Variants in ELMOD3 observed in about 807,000 individuals in gnomAD.
ELMOD3 encodes the protein ELMO domain containing 3, also known as ELMO domain-containing protein 3.
ELMOD3 carries 36 observed loss-of-function variants against 47.4 expected under a neutral mutation model. That is an observed-to-expected ratio of 0.76 (90% CI 0.58 to 1.00). ELMOD3 has a LOEUF of 1.00. Ranked by LOEUF, ELMOD3 falls within the 50% of genes least tolerant of loss-of-function variation. The pLI is 0.00. For synonymous variants in ELMOD3, 149 were observed against 183.5 expected (o/e 0.81, Z 1.52); for missense variants, 404 against 463.8 (o/e 0.87, Z 1.18).
intron 11 of ELMOD3, among the ~76,000 whole-genome samples, chr2:85,380,354 CA>C (rs1246573853): frequency 1.3e-5 from 2 of 152,036 alleles, no homozygotes; most frequent in African/African-American, 2.4e-5. Flanking sequence ...AGCAAAAGGT[CA>C]AAAAAATTAG....
intron 3 of ELMOD3, chr2:85,356,089 C>G (rs889814547): frequency 3.9e-5 from 6 of 152,208 alleles, no homozygotes; most frequent in African/African-American, 1.4e-4. Flanking sequence ...ACAGACATTC[C>G]GGATGTCCAA....
chr2:85,385,611 TG>T (rs1334741654), intron 11 of ELMOD3, among the ~76,000 whole-genome samples: 2 of 152,168 alleles, frequency 1.3e-5, no homozygotes, highest in Non-Finnish European at 2.9e-5. Flanking sequence ...CGTACAGGTT[TG>T]GGCCCAGAGG....
At position 85,357,198 on chromosome 2, in the gene ELMOD3, C is replaced by T; in HGVS notation, c.-1C>T. ...CTCACATGAACAAATGATTTTGAGT[C>T]ATGAATGAAAAATCTTGCTCTTTCC... On this transcript the variant is annotated 5_prime_UTR_variant, in exon 4 of 14. Coordinates refer to ENST00000409013, the MANE Select transcript of ELMOD3 (RefSeq NM_001135022.2). 1 of 1,605,156 alleles carries T rather than the reference C, an allele frequency of 6.2e-7. No homozygotes were observed. The highest frequency in any genetic ancestry group is 1.1e-5 in the South Asian group (1 of 89,902).
chr2:85,360,268 A>G (rs78024130), intron 4 of ELMOD3, among the ~76,000 whole-genome samples: 1 of 146,554 alleles, frequency 6.8e-6, no homozygotes. Context: ...CTCCATCTCA[A>G]AAAAAAAAAA....
At chr2:85,366,939 T>C (rs1684427192) in intron 6 of ELMOD3, among the ~76,000 whole-genome samples, 1 of 152,200 alleles carries the variant, frequency 6.6e-6, no homozygotes, top group Non-Finnish European at 1.5e-5. Context: ...GTTGATGTCC[T>C]CTGTAGCAAA....
intron 10 of ELMOD3, among the ~76,000 whole-genome samples, chr2:85,373,875 ATTGTATTT>A (rs1684977232): frequency 7.0e-6 from 1 of 143,860 alleles, no homozygotes. Flanking sequence ...AGGAAAATCT[ATTGTATTT>A]ACTCTTTCCA....
At chr2:85,374,965 G>T (rs1432748290) in intron 10 of ELMOD3, among the ~76,000 whole-genome samples, 1 of 152,052 alleles carries the variant, frequency 6.6e-6, no homozygotes. Flanking sequence ...ACAAAAATTA[G>T]CCAGGCATGG....
At chr2:85,377,091 A>G (rs1032996286) in intron 10 of ELMOD3, among the ~76,000 whole-genome samples, 1 of 152,242 alleles carries the variant, frequency 6.6e-6, no homozygotes, top group African/African-American at 2.4e-5. Flanking sequence ...GTGTAGAAGT[A>G]ACTATCAAGG....
Position 85,354,797 on chromosome 2 carries a change from C to T in ELMOD3, c.-404C>T, listed in dbSNP as rs1284820019. 1.3e-5 allele frequency: 4 copies of T among 310,422 alleles called. No homozygotes were observed. The highest frequency in any genetic ancestry group is 6.5e-5 in the African/African-American group (3 of 45,904). The allele number at this position is 310,422 out of a possible 1,614,324, so 19.2% of individuals were successfully genotyped here. On this transcript the variant is annotated 5_prime_UTR_variant, in exon 1 of 14. Coordinates refer to ENST00000409013, the MANE Select transcript of ELMOD3 (RefSeq NM_001135022.2). ...AGCAGATGAGGCCTAGCCGAGGCGG[C>T]GGGACCCCCAAGTTTGGAAAGCTCT...
chr2:85,356,908 G>A, intron 3 of ELMOD3, 59 bp from the exon 4 acceptor site: 1 of 230,870 alleles, frequency 4.3e-6, no homozygotes, highest in Admixed American at 5.6e-5. Flanking sequence ...GTCAACAGAG[G>A]CATAACTGAA....
intron 4 of ELMOD3, 105 bp downstream of exon 4, chr2:85,357,357 CATT>C (rs1683636214): frequency 1.5e-6 from 1 of 663,438 alleles, no homozygotes; most frequent in Non-Finnish European, 2.5e-6. Context: ...TAGAAACCCT[CATT>C]ATAGTTCTCT....
intron 11 of ELMOD3, among the ~76,000 whole-genome samples, chr2:85,378,050 A>G (rs1219602303): frequency 2.6e-5 from 4 of 152,280 alleles, no homozygotes; most frequent in African/African-American, 9.6e-5. Context: ...ATAAGGAAGA[A>G]GAATAGGCTA....
rs116667393 is a variant in ELMOD3, at chr2:85,359,010, A to G, written c.54+1758A>G. Among the ~76,000 whole-genome samples the G allele has an allele frequency of 2.8e-3, 421 of 152,346 alleles. 1 individual carries two copies. Among genetic ancestry groups the G allele is most frequent in the African/African-American group, 9.3e-3 (387 of 41,584 alleles). ...TAATACATCACGGAAATTGTCCCAT[A>G]TTGCCTGTAAAGTAAAGCACTTTCT... On this transcript the variant is annotated intron_variant, in intron 4 of 13. Transcript: ENST00000409013.
intron 6 of ELMOD3, 93 bp from the exon 7 acceptor site, chr2:85,368,593 T>A (rs1196937867): frequency 4.8e-5 from 59 of 1,225,186 alleles, no homozygotes; most frequent in Non-Finnish European, 5.6e-5. Context: ...AAAAAAAAAA[T>A]AGGCCCAAGG....
intron 6 of ELMOD3, among the ~76,000 whole-genome samples, chr2:85,366,817 G>A (rs150482995): frequency 8.5e-4 from 129 of 152,288 alleles, no homozygotes; most frequent in African/African-American, 2.9e-3. Context: ...GTCATGTGAT[G>A]TCCTCAGCCA....
intron 11 of ELMOD3, 60 bp from the exon 12 acceptor site, chr2:85,389,691 G>T (rs1686185502): frequency 6.8e-7 from 1 of 1,467,396 alleles, no homozygotes; most frequent in African/African-American, 1.4e-5. Context: ...CCAGGCTGCA[G>T]ATGACAGGAA....
chr2:85,364,827 T>A (rs200717112), intron 6 of ELMOD3, among the ~76,000 whole-genome samples: 5,615 of 55,592 alleles, frequency 0.1, 82 homozygotes, highest in Middle Eastern at 0.16. Context: ...ATATATATAT[T>A]TTTTTTTTTT....
chr2:85,374,348 T>G (rs1449359690), intron 10 of ELMOD3, among the ~76,000 whole-genome samples: 1 of 151,588 alleles, frequency 6.6e-6, no homozygotes, highest in Non-Finnish European at 1.5e-5. Flanking sequence ...AAAAAATAAT[T>G]TTTTTTTTCT....
chr2:85,385,361 G>A (rs543286423), intron 11 of ELMOD3, among the ~76,000 whole-genome samples: 28 of 152,166 alleles, frequency 1.8e-4, no homozygotes, highest in African/African-American at 5.3e-4. Context: ...AAGAGTCAGC[G>A]AAGGGAGATA....
Sources: gnomAD v4.1 joint callset for allele counts (sites outside exome capture counted in the v4.1 genomes callset) on GRCh38, gnomAD v4.1.1 for gene constraint, MANE v1.5 for transcripts, NCBI Gene and HGNC (gene_info 2026-07-23, HGNC 2026-07-21) for gene names.